Variants in SHANK1 observed in about 807,000 individuals in gnomAD.
SHANK1 encodes SH3 and multiple ankyrin repeat domains 1, also known as SH3 and multiple ankyrin repeat domains protein 1.
In SHANK1, 35 loss-of-function variants were observed where a neutral mutation model predicts 165.6. The observed-to-expected ratio is 0.21, with a 90% CI of 0.16 to 0.28. SHANK1 has a LOEUF of 0.28. Among genes scored for constraint, SHANK1 ranks in the 10% least tolerant of loss-of-function variants. The pLI is 1.00. For synonymous variants in SHANK1, 1,428 were observed against 1,384.8 expected (o/e 1.03, Z -0.69); for missense variants, 2,681 against 3,036.4 (o/e 0.88, Z 2.75).
rs375996160 is a variant in SHANK1 at position 50,659,705 on chromosome 19, TCTCTC to T, written c.*2255_*2259del. ...TGTTATTGTTCCTCTTTTTGCTTTT[TCTCTC>T]CTCTCCACCCCGCGCTGTCCCCGCA... On this transcript the variant is annotated 3_prime_UTR_variant, in exon 24 of 24. Coordinates refer to ENST00000293441, the MANE Select transcript of SHANK1 (RefSeq NM_016148.5). 2.2e-4 allele frequency among the ~76,000 whole-genome samples: 33 copies of T among 150,618 alleles called. No homozygotes were observed. The highest frequency in any genetic ancestry group is 5.4e-4 in the African/African-American group (22 of 40,920).
chr19:50,667,861 A>C lies in SHANK1; in HGVS notation c.4099T>G (p.Ser1367Ala). ...TGGGGGGCCCCGCCGCCCTCCGAGG[A>C]CTCCTTCAGCGCTCGCTCGCGGGCG... ...LAARERALKE[S>A]SEGGGAPQPP... The change falls in exon 23 of 24, where the codon TCC becomes GCC. Residue 1367 changes from serine to alanine, a missense_variant. By Grantham distance (99) the Ser-to-Ala change is moderately conservative (BLOSUM62 1). This residue lies in a region of SHANK1 where 1,713 missense variants were observed against 1,630.2 expected (regional missense o/e 1.05). Transcript: ENST00000293441. The surrounding 1 kb of genome is among the most constrained non-coding windows in gnomAD (Gnocchi z 5.7). 7.7e-7 allele frequency: 1 copy of C among 1,300,282 alleles called. No homozygotes were observed. Among genetic ancestry groups the C allele is most frequent in the Non-Finnish European group, 9.7e-7 (1 of 1,028,468 alleles). 80.5% of individuals were successfully genotyped at this position (1,300,282 alleles called of 1,614,324 possible).
chr19:50,687,795 CCCA>C (rs1326684367), intron 18 of SHANK1, 125 bp downstream of exon 18: 4 of 1,399,628 alleles, frequency 2.9e-6, no homozygotes, highest in Non-Finnish European at 3.9e-6. Context: ...TCAGTTTCTC[CCCA>C]CAAGGGTCAC....
At chr19:50,709,978 G>A (rs571676751) in intron 8 of SHANK1, among the ~76,000 whole-genome samples, 38 of 152,316 alleles carry the variant, frequency 2.5e-4, no homozygotes, top group Non-Finnish European at 4.4e-5. Context: ...TTCCAGGGAT[G>A]AGCACTTAGT....
chr19:50,703,621 T>TA lies in SHANK1; in HGVS notation c.1431_1432insT (p.Thr478TyrfsTer30). 1 of 1,554,406 alleles carries TA rather than the reference T, an allele frequency of 6.4e-7. No homozygotes were observed. On this transcript the variant is annotated frameshift_variant, in exon 11 of 24. Coordinates refer to ENST00000293441, the MANE Select transcript of SHANK1 (RefSeq NM_016148.5). LOFTEE classifies it high-confidence loss of function. ...AGGGTCCCGCTGCTGAGCTTGGTGG[T>TA]GGGGGCCGAGGGCTGCGACTGGCCC...
In SHANK1 at chr19:50,689,287, G is replaced by A. The variant is rs893095801; in HGVS notation, c.1965-8C>T. On this transcript the variant is annotated splice_polypyrimidine_tract_variant and splice_region_variant and intron_variant, in intron 15 of 23. Coordinates refer to ENST00000293441, the MANE Select transcript of SHANK1 (RefSeq NM_016148.5). ...TCCTTAATGATGTAATCGCTGGCAG[G>A]GAGGCAGGAGAAATGGGGGGGTGGT... 9 of 1,604,738 alleles carry A rather than the reference G, an allele frequency of 5.6e-6. No individual in the cohort carries two copies. Among genetic ancestry groups the A allele is most frequent in the Admixed American group, 5.0e-5 (3 of 59,844 alleles).
intron 12 of SHANK1, among the ~76,000 whole-genome samples, chr19:50,701,193 CTTTTTT>C (rs34951143): frequency 9.9e-6 from 1 of 101,154 alleles, no homozygotes; most frequent in Non-Finnish European, 2.0e-5. Context: ...AAAATGATGG[CTTTTTT>C]TTTTTTTTTT....
rs1489754992 is a variant in SHANK1, at chr19:50,690,160, C to A, written c.1965-881G>T. ...CCCTGGTGCATCTCAAATGGAGCTA[C>A]TGCATGCAGTCAGCATATTCTATTA... On this transcript the variant is annotated intron_variant, in intron 15 of 23. Transcript: ENST00000293441. This position sits in a 1 kb window ranked among gnomAD's most constrained non-coding sequence, Gnocchi z 4.9. Among the ~76,000 whole-genome samples, 2 of 152,164 alleles carry A rather than the reference C, an allele frequency of 1.3e-5. No homozygotes were observed. The highest frequency in any genetic ancestry group is 4.8e-5 in the African/African-American group (2 of 41,412).
At chr19:50,671,583 T>C (rs542412554) in intron 22 of SHANK1, among the ~76,000 whole-genome samples, 1 of 152,008 alleles carries the variant, frequency 6.6e-6, no homozygotes, top group East Asian at 1.9e-4. Context: ...TCCCCTGCTA[T>C]AAGGCAAGCC....
At position 50,688,156 on chromosome 19, in the gene SHANK1, TCCATGGC is replaced by T; in HGVS notation, c.2173-105_2173-99del. On this transcript the variant is annotated intron_variant, in intron 17 of 23. Coordinates refer to ENST00000293441, the MANE Select transcript of SHANK1 (RefSeq NM_016148.5). The surrounding 1 kb of genome is among the most constrained non-coding windows in gnomAD (Gnocchi z 6.7). ...GGAGGATGCCTCCTGCGCTGCCCTGTCCATGGCCCTCTGGGCTATGTTCCTCTCCCTC... is the reference window on the plus strand; with the variant it reads ...GGAGGATGCCTCCTGCGCTGCCCTGTCCTCTGGGCTATGTTCCTCTCCCTC... 7.0e-7 allele frequency: 1 copy of T among 1,418,618 alleles called. No individual in the cohort carries two copies. 87.9% of individuals were successfully genotyped at this position (1,418,618 alleles called of 1,614,324 possible).
In SHANK1 at chr19:50,662,261, C is replaced by T. The variant is rs770768362; in HGVS notation, c.6190G>A (p.Gly2064Arg). Reference sequence around the variant, plus strand: ...GCCCCTGACAAGGCTCCCCCGAGCCCCCCGGATATCCCCGGGTGTGGCGGC... The same window carrying T: ...GCCCCTGACAAGGCTCCCCCGAGCCTCCCGGATATCCCCGGGTGTGGCGGC... Reference protein sequence around the residue: ...FVPPHPGISGGLGGALSGASR... With the variant: ...FVPPHPGISGRLGGALSGASR... The change falls in exon 24 of 24, where the codon GGG (glycine) becomes AGG (arginine). Residue 2064 changes from glycine to arginine, a missense_variant. Coordinates refer to ENST00000293441, the MANE Select transcript of SHANK1 (RefSeq NM_016148.5). This position sits in a 1 kb window ranked among gnomAD's most constrained non-coding sequence, Gnocchi z 7.7. 2 of 1,610,988 alleles carry T rather than the reference C, an allele frequency of 1.2e-6. No individual in the cohort carries two copies. Among genetic ancestry groups the T allele is most frequent in the East Asian group, 2.2e-5 (1 of 44,796 alleles).
At chr19:50,703,441 G>C (rs955001052) in intron 11 of SHANK1, 59 bp downstream of exon 11, 1 of 1,434,052 alleles carries the variant, frequency 7.0e-7, no homozygotes, top group African/African-American at 1.4e-5. Flanking sequence ...GGAAGCCGCC[G>C]ATCTGGAGAG....
chr19:50,685,649 G>A (rs760438506), intron 21 of SHANK1, among the ~76,000 whole-genome samples: 13 of 152,046 alleles, frequency 8.6e-5, no homozygotes, highest in Non-Finnish European at 1.5e-4. Context: ...GCTTGAACCC[G>A]GGGGGCAGAG....
Position 50,704,518 on chromosome 19 carries a change from C to A in SHANK1, c.1078-4G>T. Reference sequence around the variant, plus strand: ...GGAGGATCCTGGCACAGGTCTCCTGCGGGTAATGGCCAGTGGCACAGGACA... The same window carrying A: ...GGAGGATCCTGGCACAGGTCTCCTGAGGGTAATGGCCAGTGGCACAGGACA... On this transcript the variant is annotated splice_polypyrimidine_tract_variant and splice_region_variant and intron_variant, in intron 8 of 23. Transcript: ENST00000293441. 6.2e-7 allele frequency: 1 copy of A among 1,613,488 alleles called. No individual in the cohort carries two copies. Among genetic ancestry groups the A allele is most frequent in the Non-Finnish European group, 8.5e-7 (1 of 1,179,592 alleles).
intron 15 of SHANK1, among the ~76,000 whole-genome samples, chr19:50,695,965 C>A (rs890864): frequency 0.86 from 130,474 of 152,188 alleles, 56,411 homozygotes; most frequent in African/African-American, 0.96. Flanking sequence ...CCCTGGCTGC[C>A]GGGCGCACGG....
chr19:50,684,233 T>C (rs1986263191), intron 21 of SHANK1, among the ~76,000 whole-genome samples: 1 of 151,786 alleles, frequency 6.6e-6, no homozygotes, highest in South Asian at 2.1e-4. Flanking sequence ...AAGAAGGTTT[T>C]TTTTTTTTTG....
At chr19:50,707,159 G>A (rs1028496103) in intron 8 of SHANK1, among the ~76,000 whole-genome samples, 7 of 152,044 alleles carry the variant, frequency 4.6e-5, no homozygotes, top group African/African-American at 1.4e-4. Flanking sequence ...TCGTAACCCC[G>A]TCTCACTGAA....
chr19:50,701,748 C>T (rs1449835308), intron 12 of SHANK1, among the ~76,000 whole-genome samples: 1 of 152,252 alleles, frequency 6.6e-6, no homozygotes, highest in Admixed American at 6.5e-5. Context: ...GTTCCAATGC[C>T]TCGTATTAAC....
At chr19:50,708,893 C>T (rs2088975521) in intron 8 of SHANK1, among the ~76,000 whole-genome samples, 1 of 152,210 alleles carries the variant, frequency 6.6e-6, no homozygotes, top group Admixed American at 6.5e-5. Flanking sequence ...GAGGTGCTCA[C>T]AGCCTAGACA....
chr19:50,707,004 C>T (rs1294472671), intron 8 of SHANK1, among the ~76,000 whole-genome samples: 1 of 152,150 alleles, frequency 6.6e-6, no homozygotes, highest in Non-Finnish European at 1.5e-5. Context: ...TCTCGAACTC[C>T]CAACCTCAGG....
Sources: allele counts gnomAD v4.1 joint callset (sites outside exome capture counted in the v4.1 genomes callset), GRCh38; gene constraint gnomAD v4.1.1; regional missense constraint gnomAD v4.1.1; non-coding constraint Gnocchi (gnomAD v3.1); transcripts MANE v1.5; gene names NCBI Gene and HGNC (gene_info 2026-07-23, HGNC 2026-07-21).